The following DENND2D variants were observed in gnomAD, a reference collection of about 807,000 sequenced individuals.
DENND2D encodes DENN domain containing 2D.
A neutral mutation model predicts 59.8 loss-of-function variants in DENND2D; 37 were observed. The ratio of observed to expected loss-of-function variants is 0.62; its 90% CI spans 0.48 to 0.81. The LOEUF (loss-of-function observed/expected upper bound fraction) is 0.81, where lower values mean the gene tolerates loss of function less well. Among genes scored for constraint, DENND2D ranks in the 40% least tolerant of loss-of-function variants. The pLI, the probability that DENND2D is intolerant of heterozygous loss-of-function variation, is 0.00. For synonymous variants in DENND2D, 219 were observed against 211.3 expected (o/e 1.04, Z -0.31); for missense variants, 525 against 579.7 (o/e 0.91, Z 0.97).
At chr1:111,195,603 A>G (rs1658151880) in intron 6 of DENND2D, 1 of 310,064 alleles carries the variant, frequency 3.2e-6, no homozygotes, top group African/African-American at 2.2e-5. Flanking sequence ...GAAGGGGGGT[A>G]GCGGCAAGTG....
In DENND2D at chr1:111,196,308, C is replaced by A. The variant is rs571687846; in HGVS notation, c.505-252G>T. ...GCTTCCTTTTTATTATCTCTCTACA[C>A]ATCCATATTCTTCCCCTCTCCTAAC... On this transcript the variant is annotated intron_variant, in intron 5 of 11. Coordinates refer to ENST00000357640, the MANE Select transcript of DENND2D (RefSeq NM_024901.5). 103 of 362,394 alleles carry A rather than the reference C, an allele frequency of 2.8e-4. 1 individual carries two copies. Among genetic ancestry groups the A allele is most frequent in the African/African-American group, 1.9e-3 (88 of 46,962 alleles). 22.4% of individuals were successfully genotyped at this position (362,394 alleles called of 1,614,324 possible).
rs1571169141 is a variant in DENND2D at position 111,188,221 on chromosome 1, T to G, written c.1249A>C (p.Thr417Pro). The change falls in exon 11 of 12, where the codon ACC becomes CCC. Residue 417 changes from threonine (T) to proline (P), a missense_variant. Physicochemically the swap from Thr to Pro is conservative, Grantham distance 38 (BLOSUM62 -1). Coordinates refer to ENST00000357640, the MANE Select transcript of DENND2D (RefSeq NM_024901.5). The stretch of plus-strand genomic sequence containing the variant: ...AACTTCTTCACAAATCGGCGGTTGG[T>G]CTTGGAGGTCAGAGCCTTACAGAAG... Reference protein sequence around the residue: ...RSFCKALTSKTNRRFVKKFVK... With the variant: ...RSFCKALTSKPNRRFVKKFVK... 6.2e-7 allele frequency: 1 copy of G among 1,614,168 alleles called. No individual in the cohort carries two copies. Among genetic ancestry groups the G allele is most frequent in the Non-Finnish European group, 8.5e-7 (1 of 1,180,022 alleles).
chr1:111,197,041 A>T (rs1172340921), intron 5 of DENND2D, 135 bp downstream of exon 5: 1 of 1,019,342 alleles, frequency 9.8e-7, no homozygotes, highest in African/African-American at 1.6e-5. Context: ...CCTTTGCCTC[A>T]GTTTTCCCAA....
At chr1:111,194,465 GA>G (rs1469890006) in intron 7 of DENND2D, 112 bp downstream of exon 7, 13 of 1,236,808 alleles carry the variant, frequency 1.1e-5, no homozygotes, top group Non-Finnish European at 1.5e-5. Context: ...CTAGAAACAG[GA>G]GGGTGGGCGC....
At chr1:111,189,126 G>T in intron 9 of DENND2D, 86 bp downstream of exon 9, 1 of 1,471,614 alleles carries the variant, frequency 6.8e-7, no homozygotes, top group Non-Finnish European at 9.5e-7. Context: ...GAACTTAAAT[G>T]TTTGTTTAAA....
Position 111,194,655 on chromosome 1 carries a change from G to A in DENND2D, c.717C>T (p.Leu239=). The change falls in exon 7 of 12, where the codon CTC becomes CTT. Residue 239 remains leucine, a synonymous_variant. Coordinates refer to ENST00000357640, the MANE Select transcript of DENND2D (RefSeq NM_024901.5). The part of the protein sequence containing the change: ...HVDFSSLLHC[L]SFEQILQIFA... ...AGATCTGAAGTATCTGTTCAAAACT[G>A]AGACAGTGCAATAGAGAACTAAAAT... is the stretch of plus-strand genomic sequence containing the variant. 6.2e-7 allele frequency: 1 copy of A among 1,614,036 alleles called. No individual in the cohort carries two copies. The highest frequency in any genetic ancestry group is 8.5e-7 in the Non-Finnish European group (1 of 1,179,996).
chr1:111,188,654 ATGCCCTTGCAC>A (rs780557840), intron 10 of DENND2D, 37 bp downstream of exon 10: 1 of 1,498,154 alleles, frequency 6.7e-7, no homozygotes, highest in Non-Finnish European at 9.3e-7. Context: ...ATTGAGAAGC[ATGCCCTTGCAC>A]TGCCTGGAGA....
At position 111,198,694 on chromosome 1, in the gene DENND2D, T is replaced by C; in HGVS notation, c.292A>G (p.Lys98Glu). 1 of 1,614,182 alleles carries C rather than the reference T, an allele frequency of 6.2e-7. No homozygotes were observed. Among genetic ancestry groups the C allele is most frequent in the Non-Finnish European group, 8.5e-7 (1 of 1,180,028 alleles). Residue 98 changes from lysine to glutamate, a missense_variant, in exon 3 of 12, where the codon AAA becomes GAA. Around this residue, in one of 3 missense-constraint regions of DENND2D, gnomAD observed 253 missense variants for 246.4 expected, o/e 1.03. Transcript: ENST00000357640. ...GQQEEEERLL[K>E]AIPLFCFPDG... is the part of the protein sequence containing the mutation. ...GGGAAGCAGAACAAGGGGATAGCTT[T>C]GAGCAGCCGCTCCTCCTCCTCCTGC...
Position 111,199,816 on chromosome 1 carries a change from C to G in DENND2D, c.68-18G>C. 6.2e-7 allele frequency: 1 copy of G among 1,607,756 alleles called. No homozygotes were observed. The highest frequency in any genetic ancestry group is 8.5e-7 in the Non-Finnish European group (1 of 1,177,684). On this transcript the variant is annotated intron_variant, in intron 1 of 11. Coordinates refer to ENST00000357640, the MANE Select transcript of DENND2D (RefSeq NM_024901.5). Reference sequence around the variant, plus strand: ...GGGTGGTCCTGAAATCAAGCCAGAGCCCATTTAGTATAATCTCATTGATCC... The same window carrying G: ...GGGTGGTCCTGAAATCAAGCCAGAGGCCATTTAGTATAATCTCATTGATCC...
In DENND2D at chr1:111,189,198, A is replaced by G. The variant is rs1477118780; in HGVS notation, c.1014+14T>C. On this transcript the variant is annotated intron_variant, in intron 9 of 11. Coordinates refer to ENST00000357640, the MANE Select transcript of DENND2D (RefSeq NM_024901.5). ...GTTGATAGGCCTGCAGGGGATCTGA[A>G]CCCAGACACTTACCGACATTAAGAA... 6.2e-7 allele frequency: 1 copy of G among 1,614,136 alleles called. No homozygotes were observed. Among genetic ancestry groups the G allele is most frequent in the East Asian group, 2.2e-5 (1 of 44,880 alleles).
Position 111,197,360 on chromosome 1 carries a change from G to C in DENND2D, c.427-107C>G. The C allele has an allele frequency of 7.2e-6, 11 of 1,519,736 alleles. No homozygotes were observed. In the South Asian group the frequency reaches 1.3e-4, roughly 18 times the overall value. The allele number at this position is 1,519,736 out of a possible 1,614,324, so 94.1% of individuals were successfully genotyped here. On this transcript the variant is annotated intron_variant, in intron 4 of 11. Transcript: ENST00000357640. ...TGAGGGCTGGGGAGGGGGATTTATG[G>C]GGAATGGTGGGTGCAGCAGGGAGGT... is the stretch of plus-strand genomic sequence containing the variant.
At position 111,194,619 on chromosome 1, in the gene DENND2D, G is replaced by A. The variant is rs751654447; in HGVS notation, c.753C>T (p.Ala251=). The A allele has an allele frequency of 9.3e-6, 15 of 1,613,950 alleles. No homozygotes were observed. The African/African-American group carries it at 1.1e-4, about 11-fold the overall frequency. Residue 251 remains alanine, a synonymous_variant, in exon 7 of 12, where the codon GCC becomes GCT. Transcript: ENST00000357640. ...GGAAGATGATTTTTCTCTCCAGCAC[G>A]GCAGAGGCAAAGATCTGAAGTATCT... ...FEQILQIFAS[A]VLERKIIFLA...
Position 111,188,119 on chromosome 1 carries a change from C to T in DENND2D, c.1339+12G>A. 1.9e-6 allele frequency: 3 copies of T among 1,614,052 alleles called. No homozygotes were observed. Among genetic ancestry groups the T allele is most frequent in the Non-Finnish European group, 2.5e-6 (3 of 1,179,970 alleles). Reference sequence around the variant, plus strand: ...CTCTATGGGCTTAGACTGATGGGGACTGTTACTGTACCTGCAGGAGGATTC... The same window carrying T: ...CTCTATGGGCTTAGACTGATGGGGATTGTTACTGTACCTGCAGGAGGATTC... On this transcript the variant is annotated intron_variant, in intron 11 of 11. Transcript: ENST00000357640.
chr1:111,197,618 G>A, intron 4 of DENND2D: 2 of 1,358,216 alleles, frequency 1.5e-6, no homozygotes, highest in Non-Finnish European at 1.9e-6. Flanking sequence ...CTCTGCTCTG[G>A]GAGGCTCCAG....
rs1658327216 is a variant in DENND2D, at chr1:111,197,236, A to T, written c.444T>A (p.Pro148=). The change falls in exon 5 of 12, where the codon CCT becomes CCA. Residue 148 remains proline, a synonymous_variant. Coordinates refer to ENST00000357640, the MANE Select transcript of DENND2D (RefSeq NM_024901.5). The part of the protein sequence containing the change: ...CRRLLPAGPG[P]RLPKVYCIIS... ...TGATGCAGTACACTTTGGGAAGGCG[A>T]GGGCCAGGGCCGGCAGGCTGGGGAG... 6.2e-7 allele frequency: 1 copy of T among 1,613,540 alleles called. No individual in the cohort carries two copies. The highest frequency in any genetic ancestry group is 8.5e-7 in the Non-Finnish European group (1 of 1,179,900).
At chr1:111,204,538 T>G, upstream of DENND2D, 1 of 561,768 alleles carries the variant, frequency 1.8e-6, no homozygotes, top group Non-Finnish European at 2.8e-6. Flanking sequence ...GGGCCCGCTC[T>G]GCCCTCGCCC....
intron 8 of DENND2D, among the ~76,000 whole-genome samples, chr1:111,190,919 G>A (rs1454195306): frequency 2.6e-5 from 4 of 152,192 alleles, no homozygotes; most frequent in Admixed American, 6.5e-5. Context: ...GGGGGAGAGA[G>A]TGTGTATAAA....
chr1:111,194,753 G>T, intron 6 of DENND2D, 27 bp from the exon 7 acceptor site: 1 of 1,612,630 alleles, frequency 6.2e-7, no homozygotes, highest in South Asian at 1.1e-5. Context: ...GAGAGAGAAG[G>T]TGTCACTATA....
At chr1:111,191,919 TC>T (rs1258075090) in intron 8 of DENND2D, among the ~76,000 whole-genome samples, 1 of 152,200 alleles carries the variant, frequency 6.6e-6, no homozygotes, top group Non-Finnish European at 1.5e-5. Flanking sequence ...TTATTGAGCA[TC>T]ACCTGTGTGT....
Sources: gnomAD v4.1 joint callset for allele counts (sites outside exome capture counted in the v4.1 genomes callset) on GRCh38, gnomAD v4.1.1 for gene constraint, gnomAD v4.1.1 regional missense constraint, MANE v1.5 for transcripts, NCBI Gene and HGNC (gene_info 2026-07-23, HGNC 2026-07-21) for gene names.